TASOR: variants seen among roughly 807,000 people sequenced by gnomAD.
The protein encoded by TASOR is transcription activation suppressor.
Under a neutral mutation model 178.6 loss-of-function variants are expected in TASOR, and 53 were observed. The observed-to-expected ratio is 0.30, with a 90% CI of 0.24 to 0.37. The LOEUF (loss-of-function observed/expected upper bound fraction) is 0.37, where lower values mean the gene tolerates loss of function less well. TASOR is among the 10% of genes least tolerant of loss of function. The pLI, the probability that TASOR is intolerant of heterozygous loss-of-function variation, is 1.00. For synonymous variants in TASOR, 713 were observed against 696.2 expected (o/e 1.02, Z -0.38); for missense variants, 1,815 against 1,971.4 (o/e 0.92, Z 1.50).
rs2107519001 is a variant in TASOR, at chr3:56,622,486, C to A, written c.*551G>T. 1 of 152,658 alleles carries A rather than the reference C, an allele frequency of 6.6e-6. No homozygotes were observed. The highest frequency in any genetic ancestry group is 1.9e-4 in the East Asian group (1 of 5,190). 9.5% of individuals were successfully genotyped at this position (152,658 alleles called of 1,614,324 possible). On this transcript the variant is annotated 3_prime_UTR_variant, in exon 24 of 24. Coordinates refer to ENST00000683822, the MANE Select transcript of TASOR (RefSeq NM_001365635.2). Reference sequence around the variant, plus strand: ...AAGTTACCAGAATTTTAGCAATAGGCAGTTTTTACATGACTAAGCCTAGAG... The same window carrying A: ...AAGTTACCAGAATTTTAGCAATAGGAAGTTTTTACATGACTAAGCCTAGAG...
Position 56,640,112 on chromosome 3 carries a change from C to A in TASOR, c.2638G>T (p.Val880Leu). Reference sequence around the variant, plus strand: ...AAACTGCAATCTTCAAAATTATTCACGCTAATTAAATTTGGATCCTAAAAA... The same window carrying A: ...AAACTGCAATCTTCAAAATTATTCAAGCTAATTAAATTTGGATCCTAAAAA... The part of the protein sequence containing the change: ...HLKEDPNLIS[V>L]NNFEDCSLCP... Residue 880 changes from valine to leucine, a missense_variant, in exon 16 of 24, where the codon GTG becomes TTG. Coordinates refer to ENST00000683822, the MANE Select transcript of TASOR (RefSeq NM_001365635.2). The A allele has an allele frequency of 6.2e-7, 1 of 1,612,600 alleles. No homozygotes were observed. Among genetic ancestry groups the A allele is most frequent in the East Asian group, 2.2e-5 (1 of 44,844 alleles).
chr3:56,679,581 T>C (rs2031613825), intron 1 of TASOR, among the ~76,000 whole-genome samples: 1 of 152,190 alleles, frequency 6.6e-6, no homozygotes, highest in Non-Finnish European at 1.5e-5. Flanking sequence ...GAATTAGCCA[T>C]TACTTCTGGA....
chr3:56,656,099 G>A (rs1370295813), intron 11 of TASOR, among the ~76,000 whole-genome samples: 1 of 151,792 alleles, frequency 6.6e-6, no homozygotes, highest in Non-Finnish European at 1.5e-5. Context: ...GGATAACAGG[G>A]GACTACTATA....
intron 9 of TASOR, 70 bp from the exon 10 acceptor site, chr3:56,661,087 C>CA: frequency 4.5e-6 from 4 of 885,630 alleles, no homozygotes; most frequent in South Asian, 1.5e-5. Context: ...AACACATACA[C>CA]AAAAAAGTAC....
At position 56,668,380 on chromosome 3, in the gene TASOR, C is replaced by A; in HGVS notation, c.897+17G>T. The stretch of plus-strand genomic sequence containing the variant: ...CAGGTATGAGATCACAACATTACAA[C>A]GGATCCTGGAACCTACCTGAGTAAG... On this transcript the variant is annotated intron_variant, in intron 6 of 23. Coordinates refer to ENST00000683822, the MANE Select transcript of TASOR (RefSeq NM_001365635.2). 6.5e-7 allele frequency: 1 copy of A among 1,548,694 alleles called. No individual in the cohort carries two copies. The highest frequency in any genetic ancestry group is 8.7e-7 in the Non-Finnish European group (1 of 1,145,754).
In TASOR at chr3:56,682,848, G is replaced by C; in HGVS notation, c.159C>G (p.Gly53=). The change falls in exon 1 of 24, where the codon GGC becomes GGG. Residue 53 remains glycine (G), a synonymous_variant. Coordinates refer to ENST00000683822, the MANE Select transcript of TASOR (RefSeq NM_001365635.2). ...CCGCGTTCTCCTCACGCCCAGCGCC[G>C]CCGCTGGGCTCAGCGATGTTGAGGC... is the stretch of plus-strand genomic sequence containing the variant. ...GGGLNIAEPS[G]GAGREENAGA... The C allele has an allele frequency of 6.5e-7, 1 of 1,550,176 alleles. No individual in the cohort carries two copies. Among genetic ancestry groups the C allele is most frequent in the Non-Finnish European group, 8.7e-7 (1 of 1,146,534 alleles).
intron 17 of TASOR, among the ~76,000 whole-genome samples, chr3:56,634,227 C>G (rs1484581527): frequency 1.3e-5 from 2 of 152,230 alleles, no homozygotes; most frequent in South Asian, 4.1e-4. Flanking sequence ...GGCATCAATA[C>G]AAATTAAGTC....
chr3:56,630,155 CG>C, intron 18 of TASOR, among the ~76,000 whole-genome samples: 1 of 151,956 alleles, frequency 6.6e-6, no homozygotes, highest in South Asian at 2.1e-4. Flanking sequence ...TTAGTAGAGA[CG>C]GGGTTTCACC....
In TASOR at chr3:56,682,803, G is replaced by A; in HGVS notation, c.204C>T (p.Ser68=). The part of the protein sequence containing the change: ...EENAGAEAAQ[S]LSHEQPQDSS... Reference sequence around the variant, plus strand: ...AGTCCTGAGGCTGCTCGTGGCTGAGGCTCTGGGCGGCCTCGGCCCCCGCGT... The same window carrying A: ...AGTCCTGAGGCTGCTCGTGGCTGAGACTCTGGGCGGCCTCGGCCCCCGCGT... The change falls in exon 1 of 24, where the codon AGC becomes AGT. Residue 68 remains serine (S), a synonymous_variant. Transcript: ENST00000683822. 5 of 1,550,484 alleles carry A rather than the reference G, an allele frequency of 3.2e-6. No homozygotes were observed. The South Asian group carries it at 3.6e-5, about 11-fold the overall frequency.
chr3:56,624,951 G>A lies in TASOR; in HGVS notation c.4195C>T (p.His1399Tyr), dbSNP rs747801192. 8 of 1,614,034 alleles carry A rather than the reference G, an allele frequency of 5.0e-6. No homozygotes were observed. Among genetic ancestry groups the A allele is most frequent in the Middle Eastern group, 1.6e-4 (1 of 6,082 alleles). ...TGGTATGACAAAATTTCAACCAGAT[G>A]TTTCTTCTGATAGACATTCAGAAGC... is the stretch of plus-strand genomic sequence containing the variant. Reference protein sequence around the residue: ...LTLLNVYQKKHLVEILSYHNC... With the variant: ...LTLLNVYQKKYLVEILSYHNC... The change falls in exon 22 of 24, where the codon CAT becomes TAT. Residue 1399 changes from histidine (H) to tyrosine (Y), a missense_variant. This residue lies in a region of TASOR where 134 missense variants were observed against 195.2 expected (regional missense o/e 0.69). Coordinates refer to ENST00000683822, the MANE Select transcript of TASOR (RefSeq NM_001365635.2).
Position 56,640,731 on chromosome 3 carries a change from G to A in TASOR, c.2620-601C>T, listed in dbSNP as rs999945836. 7.2e-5 allele frequency among the ~76,000 whole-genome samples: 11 copies of A among 152,070 alleles called. No individual in the cohort carries two copies. The East Asian group carries it at 9.6e-4, about 13-fold the overall frequency. On this transcript the variant is annotated intron_variant, in intron 15 of 23. Transcript: ENST00000683822. The stretch of plus-strand genomic sequence containing the variant: ...TGAAGAAATAAGCCCATAGGAATAC[G>A]GTGCAATCCTAGAACTATTCCCCAG...
chr3:56,637,640 G>T (rs955250178), intron 17 of TASOR, among the ~76,000 whole-genome samples: 5 of 151,202 alleles, frequency 3.3e-5, no homozygotes, highest in Non-Finnish European at 7.4e-5. Flanking sequence ...TTTCTTCAAG[G>T]AAACTAGTAA....
chr3:56,621,567 TCTC>T lies in TASOR; in HGVS notation c.*1467_*1469del. Reference sequence around the variant, plus strand: ...AGAAGCAAAAGGAGTTGGAAAGTAGTCTCCTGCCTTTAGCTGAAAATCAAGAAG... The same window carrying T: ...AGAAGCAAAAGGAGTTGGAAAGTAGTCTGCCTTTAGCTGAAAATCAAGAAG... On this transcript the variant is annotated 3_prime_UTR_variant, in exon 24 of 24. Coordinates refer to ENST00000683822, the MANE Select transcript of TASOR (RefSeq NM_001365635.2). 3 of 1,602,092 alleles carry T rather than the reference TCTC, an allele frequency of 1.9e-6. No homozygotes were observed. The highest frequency in any genetic ancestry group is 1.7e-4 in the Middle Eastern group (1 of 6,004).
chr3:56,642,765 G>C (rs1268785853), intron 14 of TASOR, among the ~76,000 whole-genome samples: 1 of 152,014 alleles, frequency 6.6e-6, no homozygotes, highest in Non-Finnish European at 1.5e-5. Flanking sequence ...ACAAGGTCAG[G>C]AGATCGAGAC....
In TASOR at chr3:56,669,720, CA is replaced by C. The variant is rs1380189669; in HGVS notation, c.714del (p.Val239LeufsTer5). The C allele has an allele frequency of 1.3e-6, 2 of 1,546,136 alleles. No individual in the cohort carries two copies. The highest frequency in any genetic ancestry group is 4.0e-5 in the Admixed American group (2 of 50,414). On this transcript the variant is annotated frameshift_variant, in exon 5 of 24. Coordinates refer to ENST00000683822, the MANE Select transcript of TASOR (RefSeq NM_001365635.2). LOFTEE classifies it high-confidence loss of function. Reference sequence around the variant, plus strand: ...ATTACCTTCATTATTTTAAAAATAACAACATCACCCATTGCCCCCGTGTCCA... The same window carrying C: ...ATTACCTTCATTATTTTAAAAATAACACATCACCCATTGCCCCCGTGTCCA... ...NPLDTGAMGD[V>X]VIFKIMKGKI... is the part of the protein sequence containing the mutation.
At position 56,682,737 on chromosome 3, in the gene TASOR, T is replaced by C; in HGVS notation, c.270A>G (p.Glu90=). The stretch of plus-strand genomic sequence containing the variant: ...TCCTCCTAACAGGCCTTTCGGGCTC[T>C]TCGGGGCCTCTGGGCAGGGCGGCCG... The part of the protein sequence containing the change: ...AGAAALPRGP[E]EPERPVRRSF... Residue 90 remains glutamate, a synonymous_variant, in exon 1 of 24, where the codon GAA becomes GAG. Transcript: ENST00000683822. The C allele has an allele frequency of 6.6e-7, 1 of 1,522,672 alleles. No homozygotes were observed. The highest frequency in any genetic ancestry group is 2.5e-5 in the East Asian group (1 of 40,434). 94.3% of individuals were successfully genotyped at this position (1,522,672 alleles called of 1,614,324 possible). A position where few individuals can be genotyped will look rare whatever the true frequency, so the allele number is the denominator to read the frequency against.
chr3:56,662,677 A>T (rs1178704604), intron 8 of TASOR, among the ~76,000 whole-genome samples, 187 bp from the exon 9 acceptor site: 1 of 152,032 alleles, frequency 6.6e-6, no homozygotes, highest in Non-Finnish European at 1.5e-5. Context: ...TTTTTGTTTC[A>T]GGTATTTATC....
intron 8 of TASOR, among the ~76,000 whole-genome samples, chr3:56,663,339 C>T (rs2077638800): frequency 6.6e-6 from 1 of 152,122 alleles, no homozygotes; most frequent in African/African-American, 2.4e-5. Context: ...TATTAAAGTG[C>T]TAAAACCTTT....
intron 11 of TASOR, among the ~76,000 whole-genome samples, chr3:56,649,608 T>C (rs1020327135): frequency 6.6e-6 from 1 of 152,104 alleles, no homozygotes; most frequent in Non-Finnish European, 1.5e-5. Context: ...TATAATTAGG[T>C]AGAAAGAGTA....
Sources: gnomAD v4.1 joint callset for allele counts (sites outside exome capture counted in the v4.1 genomes callset) on GRCh38, gnomAD v4.1.1 for gene constraint, gnomAD v4.1.1 regional missense constraint, MANE v1.5 for transcripts, NCBI Gene and HGNC (gene_info 2026-07-23, HGNC 2026-07-21) for gene names.